JAK2: variants seen among roughly 807,000 people sequenced by gnomAD.
The protein encoded by JAK2 is Janus kinase 2, also known as tyrosine-protein kinase JAK2.
Under a neutral mutation model 139.3 loss-of-function variants are expected in JAK2, and 86 were observed. That is an observed-to-expected ratio of 0.62 (90% CI 0.52 to 0.74). The LOEUF is 0.74. JAK2 is among the 30% of genes least tolerant of loss of function. JAK2 has a pLI of 0.00. For missense variants in JAK2, 1,421 were observed against 1,360.3 expected, an observed-to-expected ratio of 1.04 and a Z score of -0.70; for synonymous variants, 490 against 437.7, an observed-to-expected ratio of 1.12 and a Z score of -1.49.
chr9:5,007,737 TG>T (rs1312082966), intron 2 of JAK2, among the ~76,000 whole-genome samples: 6 of 150,450 alleles, frequency 4.0e-5, no homozygotes, highest in African/African-American at 1.2e-4. Context: ...TTTTTTTTTT[TG>T]GAGTGGAGTC....
At chr9:5,100,690 T>C (rs185653618) in intron 22 of JAK2, 21 of 152,360 alleles carry the variant, frequency 1.4e-4, no homozygotes, top group African/African-American at 3.8e-4. Context: ...CACAGCCTGA[T>C]AGAAGGAAAT....
At chr9:5,116,228 T>C (rs1454735189) in intron 22 of JAK2, among the ~76,000 whole-genome samples, 11 of 152,210 alleles carry the variant, frequency 7.2e-5, no homozygotes, top group Admixed American at 7.2e-4. Context: ...GCATGACTAG[T>C]AAATCACTGG....
At chr9:5,043,987 T>C (rs1816812798) in intron 4 of JAK2, among the ~76,000 whole-genome samples, 2 of 152,230 alleles carry the variant, frequency 1.3e-5, no homozygotes, top group African/African-American at 4.8e-5. Flanking sequence ...TAAAAGACAA[T>C]ATAGAGTGTT....
At chr9:5,000,312 T>C (rs1182552548) in intron 2 of JAK2, among the ~76,000 whole-genome samples, 2 of 152,156 alleles carry the variant, frequency 1.3e-5, no homozygotes, top group African/African-American at 2.4e-5. Context: ...TAGTTAGATA[T>C]AAAACATACC....
At chr9:5,005,745 C>G (rs1482358286) in intron 2 of JAK2, among the ~76,000 whole-genome samples, 1 of 152,156 alleles carries the variant, frequency 6.6e-6, no homozygotes, top group Non-Finnish European at 1.5e-5. Flanking sequence ...GTTTCTTCCT[C>G]AGACATTTGG....
rs1341690031 is a variant in JAK2, at chr9:5,055,783, A to T, written c.1051A>T (p.Asn351Tyr). 2.5e-6 allele frequency: 4 copies of T among 1,609,750 alleles called. No homozygotes were observed. In the East Asian group the frequency reaches 6.7e-5, roughly 27 times the overall value. Residue 351 changes from asparagine to tyrosine, a missense_variant, in exon 8 of 25, where the codon AAT (asparagine) becomes TAT (tyrosine). Asn to Tyr is a moderately radical substitution (Grantham distance 143, BLOSUM62 -2). Coordinates refer to ENST00000381652, the MANE Select transcript of JAK2 (RefSeq NM_004972.4). ...AACTATCCATAAGCAAGATGGTAAA[A>T]ATCTGGTAAGTTTGCTTTATGATTG... The part of the protein sequence containing the change: ...VVTIHKQDGK[N>Y]LEIELSSLRE...
At chr9:5,041,075 C>T in intron 4 of JAK2, 1 of 694,342 alleles carries the variant, frequency 1.4e-6, no homozygotes, top group Non-Finnish European at 2.6e-6. Flanking sequence ...CTCAGGTCTA[C>T]TACCTACTAC....
intron 2 of JAK2, among the ~76,000 whole-genome samples, chr9:5,006,989 C>A (rs1213235415): frequency 3.9e-5 from 6 of 151,998 alleles, no homozygotes; most frequent in Non-Finnish European, 1.5e-5. Flanking sequence ...CTTTTTAATT[C>A]CCGATATTGA....
rs1478775546 is a variant in JAK2 at position 5,129,690 on chromosome 9, T to A, written c.*2899T>A. ...CTGTGTGTTTACTCTCAGATTTTAGTTGGTTGGATTTAATATCAAGATAAC... is the reference window on the plus strand; with the variant it reads ...CTGTGTGTTTACTCTCAGATTTTAGATGGTTGGATTTAATATCAAGATAAC... On this transcript the variant is annotated 3_prime_UTR_variant, in exon 25 of 25. Coordinates refer to ENST00000381652, the MANE Select transcript of JAK2 (RefSeq NM_004972.4). 1.3e-5 allele frequency among the ~76,000 whole-genome samples: 2 copies of A among 152,072 alleles called. No individual in the cohort carries two copies. The highest frequency in any genetic ancestry group is 2.9e-5 in the Non-Finnish European group (2 of 67,948).
chr9:5,092,021 A>C (rs1379456660), intron 22 of JAK2, among the ~76,000 whole-genome samples: 2 of 152,144 alleles, frequency 1.3e-5, no homozygotes, highest in Non-Finnish European at 2.9e-5. Flanking sequence ...AACTGAGTTA[A>C]TTCGGAGAGG....
In JAK2 at chr9:5,029,918, A is replaced by G; in HGVS notation, c.350+12A>G. On this transcript the variant is annotated intron_variant, in intron 4 of 24. Transcript: ENST00000381652. The stretch of plus-strand genomic sequence containing the variant: ...CTCTACAGAATAAGGTACTTTCTTC[A>G]GTAAAGTAACTCACTTAATGCTAAA... 1 of 1,571,822 alleles carries G rather than the reference A, an allele frequency of 6.4e-7. No homozygotes were observed. Among genetic ancestry groups the G allele is most frequent in the Non-Finnish European group, 8.6e-7 (1 of 1,165,324 alleles).
chr9:4,986,751 G>A (rs147142334), intron 2 of JAK2, among the ~76,000 whole-genome samples: 1 of 152,172 alleles, frequency 6.6e-6, no homozygotes. Context: ...TGGGACCCAA[G>A]TGTAAATACG....
intron 6 of JAK2, among the ~76,000 whole-genome samples, chr9:5,052,750 G>T (rs1311697179): frequency 1.3e-5 from 2 of 151,990 alleles, no homozygotes; most frequent in East Asian, 3.8e-4. Context: ...AATGTGGTGT[G>T]GCATTTTTTT....
chr9:5,089,249 T>C (rs1383190293), intron 19 of JAK2, among the ~76,000 whole-genome samples: 3 of 152,128 alleles, frequency 2.0e-5, no homozygotes, highest in Non-Finnish European at 4.4e-5. Flanking sequence ...AGCTTAAAGA[T>C]AGTCTGCTGC....
intron 2 of JAK2, among the ~76,000 whole-genome samples, chr9:5,005,277 C>T (rs1369613876): frequency 1.3e-5 from 2 of 151,638 alleles, no homozygotes; most frequent in African/African-American, 2.4e-5. Context: ...AATATCTGTT[C>T]CGGTCCTTTG....
intron 22 of JAK2, among the ~76,000 whole-genome samples, chr9:5,115,248 A>G (rs1823046371): frequency 6.6e-6 from 1 of 152,244 alleles, no homozygotes; most frequent in South Asian, 2.1e-4. Context: ...AAAGTGGGTA[A>G]AGGATATGAA....
chr9:5,055,575 A>AG (rs1817703479), intron 7 of JAK2, 94 bp from the exon 8 acceptor site: 1 of 998,116 alleles, frequency 1.0e-6, no homozygotes, highest in African/African-American at 1.6e-5. Context: ...TTTTATTTTA[A>AG]AGAATTTGGA....
intron 22 of JAK2, among the ~76,000 whole-genome samples, chr9:5,106,253 T>G (rs1402953918): frequency 6.6e-6 from 1 of 152,190 alleles, no homozygotes; most frequent in African/African-American, 2.4e-5. Flanking sequence ...GAACAGACAC[T>G]TCTCAAAAGA....
At chr9:5,087,779 T>G (rs575333913) in intron 19 of JAK2, among the ~76,000 whole-genome samples, 2 of 151,960 alleles carry the variant, frequency 1.3e-5, no homozygotes, top group East Asian at 3.9e-4. Context: ...GAAATGTTCT[T>G]ATCTTTTGAA....
Sources: allele counts gnomAD v4.1 joint callset (sites outside exome capture counted in the v4.1 genomes callset), GRCh38; gene constraint gnomAD v4.1.1; transcripts MANE v1.5; gene names NCBI Gene and HGNC (gene_info 2026-07-23, HGNC 2026-07-21).